Variants in CADPS observed in about 807,000 individuals in gnomAD.
CADPS encodes calcium-dependent secretion activator 1.
CADPS carries 57 observed loss-of-function variants against 167.3 expected under a neutral mutation model. The observed-to-expected ratio is 0.34, with a 90% CI of 0.28 to 0.42. The LOEUF is 0.42. CADPS is among the 20% of genes least tolerant of loss of function. CADPS has a pLI of 1.00. For missense variants in CADPS, 1,414 were observed against 1,738.1 expected, an observed-to-expected ratio of 0.81 and a Z score of 3.32; for synonymous variants, 676 against 635.3, an observed-to-expected ratio of 1.06 and a Z score of -0.96.
intron 1 of CADPS, among the ~76,000 whole-genome samples, chr3:62,844,870 C>G (rs1383583645): frequency 6.6e-6 from 1 of 152,134 alleles, no homozygotes. Flanking sequence ...ACAAGAGAAA[C>G]TAATTCTGGT....
At chr3:62,780,682 A>C (rs1317293239) in intron 1 of CADPS, among the ~76,000 whole-genome samples, 3 of 152,218 alleles carry the variant, frequency 2.0e-5, no homozygotes, top group Non-Finnish European at 1.5e-5. Flanking sequence ...AAATTATAGC[A>C]TTATTGATCT....
At chr3:62,638,981 C>T (rs887473160) in intron 6 of CADPS, among the ~76,000 whole-genome samples, 2 of 152,134 alleles carry the variant, frequency 1.3e-5, no homozygotes, top group Non-Finnish European at 2.9e-5. Flanking sequence ...TGTTCCCTAG[C>T]ACCTTGCTTC....
At chr3:62,588,418 G>T (rs1302779057) in intron 7 of CADPS, among the ~76,000 whole-genome samples, 1 of 148,756 alleles carries the variant, frequency 6.7e-6, no homozygotes, top group African/African-American at 2.5e-5. Context: ...ATTCCTATTT[G>T]CTCTGTGCAC....
At chr3:62,790,881 C>A (rs1327925982) in intron 1 of CADPS, among the ~76,000 whole-genome samples, 1 of 151,558 alleles carries the variant, frequency 6.6e-6, no homozygotes, top group Non-Finnish European at 1.5e-5. Flanking sequence ...TTTTCTGAGT[C>A]TAATTAGAAT....
intron 9 of CADPS, among the ~76,000 whole-genome samples, chr3:62,561,454 G>T (rs549592178): frequency 9.9e-5 from 15 of 151,080 alleles, no homozygotes; most frequent in African/African-American, 2.2e-4. Context: ...TAGAGATGGT[G>T]GGGGGGATGT....
At chr3:62,541,774 C>A (rs1013841526) in intron 11 of CADPS, among the ~76,000 whole-genome samples, 13 of 152,022 alleles carry the variant, frequency 8.6e-5, no homozygotes, top group African/African-American at 3.1e-4. Flanking sequence ...GGGTTCATTT[C>A]ATGTTTGATA....
intron 1 of CADPS, among the ~76,000 whole-genome samples, chr3:62,804,659 T>C (rs1457982093): frequency 4.6e-5 from 7 of 152,152 alleles, no homozygotes; most frequent in Admixed American, 4.6e-4. Flanking sequence ...GAAATAGCTC[T>C]GTATTGTGTA....
rs1706997011 is a variant in CADPS, at chr3:62,403,059, GAAT to G, written c.3882+19_3882+21del. 6.9e-7 allele frequency: 1 copy of G among 1,440,308 alleles called. No homozygotes were observed. The highest frequency in any genetic ancestry group is 9.7e-7 in the Non-Finnish European group (1 of 1,026,396). The allele number at this position is 1,440,308 out of a possible 1,614,324, so 89.2% of individuals were successfully genotyped here. On this transcript the variant is annotated intron_variant, in intron 29 of 29. Transcript: ENST00000383710. ...ATTTCAGTAAGCTATTTGCAAAGAA[GAAT>G]AATAATCTTTTCTTTTACCTTTACC...
chr3:62,516,538 C>A, intron 15 of CADPS, 42 bp downstream of exon 15: 1 of 1,417,008 alleles, frequency 7.1e-7, no homozygotes, highest in Non-Finnish European at 9.7e-7. Flanking sequence ...ATGCTTATGT[C>A]TTTTTATATA....
chr3:62,557,572 C>T (rs2078381557), intron 9 of CADPS, 59 bp from the exon 10 acceptor site: 9 of 1,331,234 alleles, frequency 6.8e-6, no homozygotes, highest in Middle Eastern at 1.8e-4. Flanking sequence ...TCCAAAAAAC[C>T]CTCCCCCATG....
chr3:62,594,090 C>T (rs1373266246), intron 6 of CADPS, among the ~76,000 whole-genome samples: 1 of 151,792 alleles, frequency 6.6e-6, no homozygotes, highest in Non-Finnish European at 1.5e-5. Context: ...TATACAATGA[C>T]CAACTTCCAT....
intron 3 of CADPS, among the ~76,000 whole-genome samples, chr3:62,743,294 C>T (rs769440372): frequency 3.3e-5 from 5 of 152,122 alleles, no homozygotes; most frequent in Admixed American, 2.0e-4. Flanking sequence ...ACGCCAGCTG[C>T]CTGCTTTTGT....
intron 6 of CADPS, among the ~76,000 whole-genome samples, chr3:62,610,962 G>T (rs922803728): frequency 5.9e-5 from 9 of 152,096 alleles, no homozygotes; most frequent in African/African-American, 1.9e-4. Flanking sequence ...TCACACAGGG[G>T]TGTGGGGGAG....
chr3:62,451,345 T>C (rs548167602), intron 26 of CADPS, among the ~76,000 whole-genome samples: 2 of 152,204 alleles, frequency 1.3e-5, no homozygotes, highest in South Asian at 4.2e-4. Flanking sequence ...CCTGAGTTAA[T>C]CATTGTGCAG....
At chr3:62,426,929 G>C (rs1442467904) in intron 28 of CADPS, among the ~76,000 whole-genome samples, 1 of 150,910 alleles carries the variant, frequency 6.6e-6, no homozygotes, top group Non-Finnish European at 1.5e-5. Flanking sequence ...AAAAAAATTA[G>C]CTGGGCATGG....
intron 9 of CADPS, among the ~76,000 whole-genome samples, chr3:62,570,605 G>A (rs750892345): frequency 6.6e-6 from 1 of 152,120 alleles, no homozygotes; most frequent in African/African-American, 2.4e-5. Flanking sequence ...CTACTGTATT[G>A]TTCGAATTAA....
intron 6 of CADPS, among the ~76,000 whole-genome samples, chr3:62,630,425 C>T (rs2065061990): frequency 6.6e-6 from 1 of 152,142 alleles, no homozygotes; most frequent in Admixed American, 6.6e-5. Context: ...ACTGCAACTC[C>T]CACCTCTCAG....
At chr3:62,597,091 C>G (rs186953922) in intron 6 of CADPS, among the ~76,000 whole-genome samples, 102 of 152,282 alleles carry the variant, frequency 6.7e-4, no homozygotes, top group African/African-American at 2.4e-3. Flanking sequence ...TGGTGCCTCA[C>G]TCCTGTAATC....
intron 8 of CADPS, among the ~76,000 whole-genome samples, chr3:62,571,871 AAT>A (rs2081353883): frequency 6.6e-6 from 1 of 152,094 alleles, no homozygotes; most frequent in Admixed American, 6.6e-5. Context: ...GCGTAAGGTC[AAT>A]ATTACTAATC....
Sources: gnomAD v4.1 joint callset for allele counts (sites outside exome capture counted in the v4.1 genomes callset) on GRCh38, gnomAD v4.1.1 for gene constraint, MANE v1.5 for transcripts, NCBI Gene and HGNC (gene_info 2026-07-23, HGNC 2026-07-21) for gene names.